Variants in FXYD6 observed in about 807,000 individuals in gnomAD.
FXYD6 encodes FXYD domain-containing ion transport regulator 6.
FXYD6 carries 7 observed loss-of-function variants against 16.7 expected under a neutral mutation model. The observed-to-expected ratio is 0.42, with a 90% CI of 0.24 to 0.79. The LOEUF (loss-of-function observed/expected upper bound fraction) is 0.79. Among genes scored for constraint, FXYD6 ranks in the 30% least tolerant of loss-of-function variants. The pLI is 0.28. For synonymous variants in FXYD6, 49 were observed against 43.0 expected, an observed-to-expected ratio of 1.14 and a Z score of -0.54; for missense variants, 111 against 116.2, an observed-to-expected ratio of 0.95 and a Z score of 0.21.
intron 1 of FXYD6, among the ~76,000 whole-genome samples, chr11:117,851,866 G>A (rs1167600335): frequency 6.6e-6 from 1 of 152,236 alleles, no homozygotes; most frequent in Non-Finnish European, 1.5e-5. Flanking sequence ...GGCAGGAGCT[G>A]CAACACACTT....
intron 6 of FXYD6, 29 bp from the exon 7 acceptor site, chr11:117,839,859 T>C (rs781693618): frequency 6.2e-6 from 10 of 1,613,964 alleles, no homozygotes; most frequent in Non-Finnish European, 8.5e-6. Context: ...TGGATTATAG[T>C]GTATAGACTC....
At chr11:117,860,828 C>A (rs1406820869) in intron 1 of FXYD6, among the ~76,000 whole-genome samples, 1 of 152,214 alleles carries the variant, frequency 6.6e-6, no homozygotes, top group Non-Finnish European at 1.5e-5. Context: ...TTATATAACT[C>A]ATTCTACCCT....
In FXYD6 at chr11:117,858,725, CTTCCTTCCT is replaced by C. The variant is rs2056824422; in HGVS notation, c.-5-15953_-5-15945del. ...TTTCTCTCTCTCTCTCCTTCCTTCC[CTTCCTTCCT>C]TCCTTCCTTCCTTCCTTCCTTCCTT... On this transcript the variant is annotated intron_variant, in intron 1 of 7. Transcript: ENST00000526014. 1.7e-4 allele frequency among the ~76,000 whole-genome samples: 8 copies of C among 47,068 alleles called. No individual in the cohort carries two copies. The South Asian group carries it at 8.7e-3, about 51-fold the overall frequency. The allele number at this position is 47,068 out of a possible 152,430, so 30.9% of individuals were successfully genotyped here.
At chr11:117,858,799 CAG>C (rs2056835839) in intron 1 of FXYD6, among the ~76,000 whole-genome samples, 1 of 110,650 alleles carries the variant, frequency 9.0e-6, no homozygotes, top group African/African-American at 3.4e-5. Context: ...CTTTTTTAGA[CAG>C]TCTCGCTCTG....
intron 1 of FXYD6, among the ~76,000 whole-genome samples, chr11:117,850,093 C>T (rs2056571160): frequency 6.6e-6 from 1 of 152,226 alleles, no homozygotes; most frequent in Non-Finnish European, 1.5e-5. Context: ...CTCCCCACTG[C>T]CAATCACCTT....
chr11:117,852,635 A>G (rs1180645647), intron 1 of FXYD6, among the ~76,000 whole-genome samples: 1 of 152,218 alleles, frequency 6.6e-6, no homozygotes, highest in East Asian at 1.9e-4. Context: ...CGTGAGTTTC[A>G]TCAGACTTGA....
chr11:117,874,650 G>A (rs950550920), intron 1 of FXYD6, among the ~76,000 whole-genome samples: 4 of 152,214 alleles, frequency 2.6e-5, no homozygotes, highest in African/African-American at 4.8e-5. Context: ...CAGAGCCTCC[G>A]ATGGTCCCAG....
chr11:117,839,455 G>A (rs1378576405), intron 7 of FXYD6: 1 of 375,464 alleles, frequency 2.7e-6, no homozygotes, highest in East Asian at 3.9e-5. Flanking sequence ...TTATCTTTAT[G>A]CTACTTTGAG....
At chr11:117,869,834 C>T (rs2057095974) in intron 1 of FXYD6, among the ~76,000 whole-genome samples, 1 of 151,136 alleles carries the variant, frequency 6.6e-6, no homozygotes, top group South Asian at 2.1e-4. Context: ...TAAGCGGAGG[C>T]ATGGTGGAGA....
At chr11:117,860,478 C>T (rs1212978197) in intron 1 of FXYD6, among the ~76,000 whole-genome samples, 4 of 152,314 alleles carry the variant, frequency 2.6e-5, no homozygotes, top group Non-Finnish European at 4.4e-5. Flanking sequence ...CATATTCGTG[C>T]GCTAGAGAGA....
intron 1 of FXYD6, among the ~76,000 whole-genome samples, chr11:117,859,228 C>T (rs111712024): frequency 1.9e-4 from 29 of 152,226 alleles, no homozygotes; most frequent in African/African-American, 6.0e-4. Flanking sequence ...ACACCCAGTT[C>T]GGCAGGACAC....
chr11:117,847,812 C>A (rs544814854), intron 1 of FXYD6, among the ~76,000 whole-genome samples: 3 of 152,068 alleles, frequency 2.0e-5, no homozygotes, highest in Admixed American at 6.6e-5. Context: ...GTGAATAGTG[C>A]GGCAATAAAC....
At chr11:117,865,860 G>A (rs1046152104) in intron 1 of FXYD6, among the ~76,000 whole-genome samples, 7 of 151,740 alleles carry the variant, frequency 4.6e-5, no homozygotes. Flanking sequence ...CCGGGTGGTG[G>A]AGGTTGCAGT....
At chr11:117,876,009 A>C (rs2057254377) in intron 1 of FXYD6, among the ~76,000 whole-genome samples, 1 of 152,122 alleles carries the variant, frequency 6.6e-6, no homozygotes, top group African/African-American at 2.4e-5. Context: ...GGATAAGACA[A>C]GAAGGAGGGA....
intron 1 of FXYD6, among the ~76,000 whole-genome samples, chr11:117,852,236 C>T (rs1023251358): frequency 6.6e-6 from 1 of 152,160 alleles, no homozygotes; most frequent in African/African-American, 2.4e-5. Context: ...GACTGTAGTT[C>T]GGTATGATGC....
intron 1 of FXYD6, among the ~76,000 whole-genome samples, chr11:117,860,031 C>A (rs999915596): frequency 2.6e-5 from 4 of 152,118 alleles, no homozygotes; most frequent in Non-Finnish European, 5.9e-5. Flanking sequence ...CTTTTGTTAT[C>A]GTCAAAAGCA....
chr11:117,875,550 C>T (rs1470099923), intron 1 of FXYD6, among the ~76,000 whole-genome samples: 3 of 152,146 alleles, frequency 2.0e-5, no homozygotes, highest in African/African-American at 4.8e-5. Context: ...TAGACATACA[C>T]ATCCATAATA....
chr11:117,841,560 T>C (rs1484335070), intron 4 of FXYD6: 2 of 608,332 alleles, frequency 3.3e-6, no homozygotes, highest in African/African-American at 3.7e-5. Flanking sequence ...GCCACCCTGC[T>C]CGTTCCTATC....
intron 1 of FXYD6, among the ~76,000 whole-genome samples, chr11:117,851,162 C>T (rs915461592): frequency 6.6e-6 from 1 of 152,222 alleles, no homozygotes; most frequent in Non-Finnish European, 1.5e-5. Flanking sequence ...TATTCAGATC[C>T]TTGTACAGTC....
Sources: gnomAD v4.1 joint callset for allele counts (sites outside exome capture counted in the v4.1 genomes callset) on GRCh38, gnomAD v4.1.1 for gene constraint, MANE v1.5 for transcripts, NCBI Gene and HGNC (gene_info 2026-07-23, HGNC 2026-07-21) for gene names.